BOC: variants seen among roughly 807,000 people sequenced by gnomAD.
The protein encoded by BOC is BOC cell adhesion associated, oncogene regulated.
Under a neutral mutation model 112.0 loss-of-function variants are expected in BOC, and 76 were observed. The observed-to-expected ratio is 0.68, with a 90% CI of 0.56 to 0.82. BOC has a LOEUF of 0.82. Ranked by LOEUF, BOC falls within the 40% of genes least tolerant of loss-of-function variation. The probability of loss-of-function intolerance (pLI) is 0.00; values close to 1 mark genes in which losing one functional copy is unlikely to be tolerated. For missense variants in BOC, 1,309 were observed against 1,511.7 expected (o/e 0.87, Z 2.22); for synonymous variants, 580 against 599.8 (o/e 0.97, Z 0.48).
chr3:113,228,783 A>G (rs188699107), intron 2 of BOC, among the ~76,000 whole-genome samples: 1 of 152,252 alleles, frequency 6.6e-6, no homozygotes, highest in East Asian at 1.9e-4. Flanking sequence ...ACAGGAGGGA[A>G]GACACTTCAA....
chr3:113,216,116 C>T (rs1243477035), intron 1 of BOC, 71 bp from the exon 2 acceptor site: 4 of 397,094 alleles, frequency 1.0e-5, no homozygotes, highest in Non-Finnish European at 1.5e-5. Flanking sequence ...TATCAATGCA[C>T]CTTGTAAAAA....
rs1246422389 is a variant in BOC, at chr3:113,283,403, A to C, written c.2435-8A>C. On this transcript the variant is annotated splice_region_variant and splice_polypyrimidine_tract_variant and intron_variant, in intron 15 of 19. Coordinates refer to ENST00000682979, the MANE Select transcript of BOC (RefSeq NM_001378074.1). Reference sequence around the variant, plus strand: ...ATATGCTGAAGTGAGTTTTGTCCACAATTACAGCTCGGAAGTCTTCTGGCC... The same window carrying C: ...ATATGCTGAAGTGAGTTTTGTCCACCATTACAGCTCGGAAGTCTTCTGGCC... The C allele has an allele frequency of 1.3e-6, 2 of 1,585,488 alleles. No homozygotes were observed. Among genetic ancestry groups the C allele is most frequent in the Admixed American group, 3.5e-5 (2 of 56,742 alleles).
intron 4 of BOC, among the ~76,000 whole-genome samples, chr3:113,257,722 C>A (rs988516610): frequency 6.6e-6 from 1 of 152,026 alleles, no homozygotes; most frequent in Admixed American, 6.5e-5. Context: ...CTACAATTAA[C>A]AATCTACCTC....
At chr3:113,221,350 G>C (rs1301503016) in intron 2 of BOC, among the ~76,000 whole-genome samples, 1 of 152,208 alleles carries the variant, frequency 6.6e-6, no homozygotes, top group Non-Finnish European at 1.5e-5. Context: ...TTTACGGAGA[G>C]AAAGAAATGT....
Position 113,274,647 on chromosome 3 carries a change from G to T in BOC, c.1507G>T (p.Ala503Ser), listed in dbSNP as rs750004969. ...WRPRHEGSGR[A>S]PILYYVVKHR... ...GCCTCGGCATGAGGGCAGTGGCCGG[G>T]CGCCAATCCTCTACTATGTGGTGAA... Residue 503 changes from alanine to serine, a missense_variant, in exon 9 of 20, where the codon GCG (alanine) becomes TCG (serine). Transcript: ENST00000682979. This position sits in a 1 kb window ranked among gnomAD's most constrained non-coding sequence, Gnocchi z 4.8. 6.2e-7 allele frequency: 1 copy of T among 1,607,808 alleles called. No homozygotes were observed. The highest frequency in any genetic ancestry group is 1.3e-5 in the African/African-American group (1 of 74,948).
intron 2 of BOC, among the ~76,000 whole-genome samples, chr3:113,238,244 T>G (rs1943835804): frequency 6.6e-6 from 1 of 152,164 alleles, no homozygotes; most frequent in Non-Finnish European, 1.5e-5. Context: ...ATTTTAGGGC[T>G]TACGGGAGGC....
intron 8 of BOC, 136 bp downstream of exon 8, chr3:113,273,477 C>A: frequency 1.0e-6 from 1 of 953,432 alleles, no homozygotes; most frequent in Non-Finnish European, 1.5e-6. Context: ...TTTATATGAA[C>A]TTAATAAATC....
intron 4 of BOC, among the ~76,000 whole-genome samples, chr3:113,259,352 A>G (rs754250156): frequency 1.8e-4 from 28 of 152,234 alleles, no homozygotes; most frequent in Admixed American, 7.2e-4. Context: ...GCTGTGTAGT[A>G]TGTTGATTCA....
chr3:113,236,292 A>ACCCATGGG (rs1943516308), intron 2 of BOC, among the ~76,000 whole-genome samples: 1 of 48,380 alleles, frequency 2.1e-5, no homozygotes, highest in African/African-American at 1.1e-4. Context: ...GTATATATAT[A>ACCCATGGG]TATATATATA....
intron 6 of BOC, chr3:113,271,288 A>G (rs528246190): frequency 2.2e-4 from 106 of 492,406 alleles, no homozygotes; most frequent in African/African-American, 1.8e-3. Context: ...CGGACACAGC[A>G]TGTGCCTAGA....
chr3:113,245,299 G>A (rs921606076), intron 2 of BOC, among the ~76,000 whole-genome samples: 7 of 152,134 alleles, frequency 4.6e-5, no homozygotes, highest in African/African-American at 1.4e-4. Flanking sequence ...GCCCAGGCTG[G>A]AATGCAGTGC....
intron 9 of BOC, among the ~76,000 whole-genome samples, chr3:113,275,581 T>C (rs185619507): frequency 6.6e-6 from 1 of 152,352 alleles, no homozygotes; most frequent in East Asian, 1.9e-4. Context: ...AAAACTATTA[T>C]TCTTAAATGG....
rs758107662 is a variant in BOC at position 113,285,514 on chromosome 3, G to A, written c.3109G>A (p.Ala1037Thr). ...TGTGGGCCAGTCAGGGGTGAGGAGAGCCCCCGACAGTCCTGTCCTGGAAGC... is the reference window on the plus strand; with the variant it reads ...TGTGGGCCAGTCAGGGGTGAGGAGAACCCCCGACAGTCCTGTCCTGGAAGC... ...AAVGQSGVRR[A>T]PDSPVLEAVW... The change falls in exon 19 of 20, where the codon GCC becomes ACC. Residue 1037 changes from alanine (A) to threonine (T), a missense_variant. Coordinates refer to ENST00000682979, the MANE Select transcript of BOC (RefSeq NM_001378074.1). The A allele has an allele frequency of 1.2e-6, 2 of 1,612,520 alleles. No homozygotes were observed. Among genetic ancestry groups the A allele is most frequent in the Non-Finnish European group, 1.7e-6 (2 of 1,179,220 alleles).
chr3:113,270,777 C>T (rs1439274307), intron 5 of BOC, 24 bp from the exon 6 acceptor site: 1 of 1,591,034 alleles, frequency 6.3e-7, no homozygotes. Flanking sequence ...ATCCCATCTT[C>T]CCCTGGCCCT....
At chr3:113,271,000 A>C in intron 6 of BOC, 56 bp downstream of exon 6, 1 of 1,610,418 alleles carries the variant, frequency 6.2e-7, no homozygotes, top group Non-Finnish European at 8.5e-7. Flanking sequence ...AAGGGCTCAC[A>C]AAGATGGAAA....
In BOC at chr3:113,250,699, C is replaced by T. The variant is rs1336503134; in HGVS notation, c.242C>T (p.Ala81Val). 1 of 1,614,066 alleles carries T rather than the reference C, an allele frequency of 6.2e-7. No individual in the cohort carries two copies. Among genetic ancestry groups the T allele is most frequent in the Non-Finnish European group, 8.5e-7 (1 of 1,180,050 alleles). Reference protein sequence around the residue: ...NGKELNGSDDALGVLITHGTL... With the variant: ...NGKELNGSDDVLGVLITHGTL... ...AAGGAGCTGAATGGCTCGGATGATG[C>T]TCTGGGTGTCCTCATCACCCACGGG... Residue 81 changes from alanine to valine, a missense_variant, in exon 4 of 20, where the codon GCT becomes GTT. Coordinates refer to ENST00000682979, the MANE Select transcript of BOC (RefSeq NM_001378074.1).
intron 2 of BOC, among the ~76,000 whole-genome samples, chr3:113,233,489 A>G (rs1942991652): frequency 1.3e-5 from 2 of 152,134 alleles, no homozygotes; most frequent in African/African-American, 4.8e-5. Context: ...ACCTCCCTAA[A>G]TGCCCAGCTT....
intron 19 of BOC, among the ~76,000 whole-genome samples, chr3:113,285,787 T>C (rs1328887637): frequency 6.6e-6 from 1 of 152,236 alleles, no homozygotes; most frequent in Non-Finnish European, 1.5e-5. Context: ...TACTGCAACA[T>C]GATAAGCTGC....
At position 113,278,091 on chromosome 3, in the gene BOC, C is replaced by A. The variant is rs1188061541; in HGVS notation, c.1543-4C>A. On this transcript the variant is annotated splice_polypyrimidine_tract_variant and splice_region_variant and intron_variant, in intron 9 of 19. Coordinates refer to ENST00000682979, the MANE Select transcript of BOC (RefSeq NM_001378074.1). The surrounding 1 kb of genome is among the most constrained non-coding windows in gnomAD (Gnocchi z 4.2). The stretch of plus-strand genomic sequence containing the variant: ...CCGGTCTTTATACCAGCTACCTTCT[C>A]CAGCAGGTCACAAATTCCTCTGACG... 2 of 1,614,050 alleles carry A rather than the reference C, an allele frequency of 1.2e-6. No individual in the cohort carries two copies. The highest frequency in any genetic ancestry group is 1.7e-6 in the Non-Finnish European group (2 of 1,180,008).
Sources: gnomAD v4.1 joint callset for allele counts (sites outside exome capture counted in the v4.1 genomes callset) on GRCh38, gnomAD v4.1.1 for gene constraint, Gnocchi (gnomAD v3.1) non-coding constraint, MANE v1.5 for transcripts, NCBI Gene and HGNC (gene_info 2026-07-23, HGNC 2026-07-21) for gene names.